Variants in PICALM observed in about 807,000 individuals in gnomAD.
PICALM encodes the protein phosphatidylinositol-binding clathrin assembly protein.
In PICALM, 40 loss-of-function variants were observed where a neutral mutation model predicts 80.5. That is an observed-to-expected ratio of 0.50 (90% CI 0.39 to 0.65). PICALM has a LOEUF of 0.65. Among genes scored for constraint, PICALM ranks in the 30% least tolerant of loss-of-function variants. PICALM has a pLI of 0.00. For synonymous variants in PICALM, 288 were observed against 260.3 expected (o/e 1.11, Z -1.02); for missense variants, 676 against 778.9 (o/e 0.87, Z 1.57).
intron 2 of PICALM, among the ~76,000 whole-genome samples, chr11:86,027,817 G>A (rs141334543): frequency 2.0e-3 from 308 of 152,094 alleles, no homozygotes; most frequent in African/African-American, 7.0e-3. Context: ...AACTGCGCCC[G>A]GCCTCCAAAT....
At chr11:86,026,246 T>TG (rs2095647735) in intron 3 of PICALM, 46 bp downstream of exon 3, 1 of 991,434 alleles carries the variant, frequency 1.0e-6, no homozygotes, top group South Asian at 1.3e-5. Context: ...AATCATCATG[T>TG]GGGTGTCATT....
At chr11:85,981,529 T>C (rs886074099) in intron 16 of PICALM, among the ~76,000 whole-genome samples, 1 of 150,472 alleles carries the variant, frequency 6.6e-6, no homozygotes, top group African/African-American at 2.4e-5. Flanking sequence ...ACGGCGTGAA[T>C]CCGGGAGGCG....
At chr11:86,023,683 T>TAG in intron 3 of PICALM, 1 of 447,042 alleles carries the variant, frequency 2.2e-6, no homozygotes, top group Non-Finnish European at 3.0e-6. Context: ...AGCACTGCTC[T>TAG]GCATCTTGTT....
chr11:86,024,642 ACT>A (rs2095621493), intron 3 of PICALM, among the ~76,000 whole-genome samples: 1 of 151,752 alleles, frequency 6.6e-6, no homozygotes, highest in Non-Finnish European at 1.5e-5. Context: ...TAAAATTCCA[ACT>A]CTATAAAAAA....
chr11:85,966,806 CAGGT>C (rs1453604506), intron 19 of PICALM, among the ~76,000 whole-genome samples: 1 of 152,116 alleles, frequency 6.6e-6, no homozygotes, highest in Non-Finnish European at 1.5e-5. Context: ...GCCATGTTGA[CAGGT>C]AGAGACTAAA....
chr11:85,975,974 T>C (rs1216570793), intron 18 of PICALM, among the ~76,000 whole-genome samples: 1 of 152,154 alleles, frequency 6.6e-6, no homozygotes, highest in African/African-American at 2.4e-5. Context: ...GTTACTTCCA[T>C]ATCATATACA....
intron 1 of PICALM, among the ~76,000 whole-genome samples, 179 bp from the exon 2 acceptor site, chr11:86,031,790 C>T (rs2095755951): frequency 6.6e-6 from 1 of 152,128 alleles, no homozygotes; most frequent in Admixed American, 6.5e-5. Context: ...ACCTAAGAAG[C>T]AGGGTACCAA....
At chr11:86,047,070 C>G (rs1215435795) in intron 1 of PICALM, among the ~76,000 whole-genome samples, 3 of 152,224 alleles carry the variant, frequency 2.0e-5, no homozygotes, top group East Asian at 3.8e-4. Context: ...TCTAAAGTAG[C>G]ACAAACTAGT....
At chr11:85,992,582 C>T (rs1263196238) in intron 12 of PICALM, among the ~76,000 whole-genome samples, 1 of 152,154 alleles carries the variant, frequency 6.6e-6, no homozygotes, top group African/African-American at 2.4e-5. Flanking sequence ...CCACCACACA[C>T]GGCCGAATGT....
At chr11:86,068,396 C>T (rs755035715) in intron 1 of PICALM, among the ~76,000 whole-genome samples, 5 of 151,942 alleles carry the variant, frequency 3.3e-5, no homozygotes, top group Non-Finnish European at 5.9e-5. Context: ...GGTAGCGCAC[C>T]GGGCAGGGAG....
intron 1 of PICALM, among the ~76,000 whole-genome samples, chr11:86,066,336 A>G (rs1268504180): frequency 2.6e-5 from 4 of 152,202 alleles, no homozygotes; most frequent in Non-Finnish European, 4.4e-5. Flanking sequence ...AACCTCATTG[A>G]AAAGAAACAG....
intron 8 of PICALM, among the ~76,000 whole-genome samples, chr11:86,004,465 G>C (rs2095232910): frequency 6.6e-6 from 1 of 151,784 alleles, no homozygotes; most frequent in South Asian, 2.1e-4. Context: ...ATGATGTGTT[G>C]GTTACATAAA....
In PICALM at chr11:85,958,965, C is replaced by G. The variant is rs1228710839; in HGVS notation, c.*81G>C. On this transcript the variant is annotated 3_prime_UTR_variant, in exon 20 of 20. Coordinates refer to ENST00000393346, the MANE Select transcript of PICALM (RefSeq NM_007166.4). ...AGAGTTTAAGAGATTTAAGAGACAG[C>G]AGTTTGGATTTTGCTGGAAGTAAGG... The G allele has an allele frequency of 4.2e-6, 4 of 959,720 alleles. No individual in the cohort carries two copies. The highest frequency in any genetic ancestry group is 6.6e-6 in the Non-Finnish European group (4 of 609,872). The allele number at this position is 959,720 out of a possible 1,614,324, so 59.5% of individuals were successfully genotyped here.
chr11:85,966,549 A>G (rs1303804562), intron 19 of PICALM, among the ~76,000 whole-genome samples: 6 of 152,236 alleles, frequency 3.9e-5, no homozygotes, highest in African/African-American at 1.4e-4. Flanking sequence ...CTAAGGCTCA[A>G]AGTTACATAG....
At position 85,981,955 on chromosome 11, in the gene PICALM, T is replaced by C; in HGVS notation, c.1565A>G (p.Asn522Ser). The change falls in exon 15 of 20, where the codon AAC becomes AGC. Residue 522 changes from asparagine (N) to serine (S), a missense_variant. By Grantham distance (46) the Asn-to-Ser change is conservative. Transcript: ENST00000393346. ...GLLKPTVASQ[N>S]QNLPVAKLPP... ...GAGTTTGGCAACAGGAAGGTTCTGG[T>C]TCTGAGAGGCCACTGTTGGTTTGAG... 6.2e-7 allele frequency: 1 copy of C among 1,612,972 alleles called. No homozygotes were observed. The highest frequency in any genetic ancestry group is 2.2e-5 in the East Asian group (1 of 44,872).
rs187183588 is a variant in PICALM at position 86,062,889 on chromosome 11, G to A, written c.130+5762C>T. On this transcript the variant is annotated intron_variant, in intron 1 of 19. Coordinates refer to ENST00000393346, the MANE Select transcript of PICALM (RefSeq NM_007166.4). ...AGACAGAACACAAAGTAACGGAAAT[G>A]CCACTTTAGCTACCAAAAGAACAGG... 5.7e-4 allele frequency among the ~76,000 whole-genome samples: 87 copies of A among 152,278 alleles called. No individual in the cohort carries two copies. In the East Asian group the frequency reaches 0.013, roughly 23 times the overall value.
intron 1 of PICALM, among the ~76,000 whole-genome samples, chr11:86,055,086 T>C (rs963153952): frequency 1.4e-4 from 22 of 152,112 alleles, no homozygotes; most frequent in Non-Finnish European, 2.6e-4. Context: ...ATCTCAACAC[T>C]GTGGGAGGCT....
In PICALM at chr11:86,027,341, C is replaced by T. The variant is rs567114470; in HGVS notation, c.274-974G>A. Among the ~76,000 whole-genome samples, 4 of 152,218 alleles carry T rather than the reference C, an allele frequency of 2.6e-5. No homozygotes were observed. The East Asian group carries it at 5.8e-4, about 22-fold the overall frequency. On this transcript the variant is annotated intron_variant, in intron 2 of 19. Coordinates refer to ENST00000393346, the MANE Select transcript of PICALM (RefSeq NM_007166.4). ...GGTCTCTGAAGTGCTTACCATAGTA[C>T]ATAACCTTAGTCTCCTTCACATACA...
In PICALM at chr11:85,993,654, G is replaced by A. The variant is rs188851875; in HGVS notation, c.1258+3172C>T. 8.4e-4 allele frequency among the ~76,000 whole-genome samples: 128 copies of A among 151,946 alleles called. 2 individuals are homozygous for A. Among genetic ancestry groups the A allele is most frequent in the Admixed American group, 3.4e-3 (52 of 15,250 alleles). On this transcript the variant is annotated intron_variant, in intron 12 of 19. Coordinates refer to ENST00000393346, the MANE Select transcript of PICALM (RefSeq NM_007166.4). Reference sequence around the variant, plus strand: ...GGGTATCACCATGTTGGCCAGGCTGGTCTCAAATTCCTGACGTCAAATGAT... The same window carrying A: ...GGGTATCACCATGTTGGCCAGGCTGATCTCAAATTCCTGACGTCAAATGAT...
Sources: allele counts gnomAD v4.1 joint callset (sites outside exome capture counted in the v4.1 genomes callset), GRCh38; gene constraint gnomAD v4.1.1; transcripts MANE v1.5; gene names NCBI Gene and HGNC (gene_info 2026-07-23, HGNC 2026-07-21).